MEGF10: variants seen among roughly 807,000 people sequenced by gnomAD.
The protein encoded by MEGF10 is multiple EGF like domains 10, also known as multiple epidermal growth factor-like domains protein 10.
MEGF10 carries 86 observed loss-of-function variants against 147.5 expected under a neutral mutation model. The ratio of observed to expected loss-of-function variants is 0.58; its 90% confidence interval spans 0.49 to 0.70. The LOEUF is 0.70. Ranked by LOEUF, MEGF10 falls within the 30% of genes least tolerant of loss-of-function variation. The pLI, the probability that MEGF10 is intolerant of heterozygous loss-of-function variation, is 0.00. For missense variants in MEGF10, 1,329 were observed against 1,487.3 expected (o/e 0.89, Z 1.75); for synonymous variants, 478 against 525.5 (o/e 0.91, Z 1.24).
At chr5:127,402,256 T>C (rs1764161145) in intron 7 of MEGF10, among the ~76,000 whole-genome samples, 1 of 152,256 alleles carries the variant, frequency 6.6e-6, no homozygotes, top group Admixed American at 6.5e-5. Context: ...TAATTTGATG[T>C]AACTTTGTTT....
intron 22 of MEGF10, among the ~76,000 whole-genome samples, chr5:127,451,053 T>C (rs934689871): frequency 3.9e-5 from 6 of 152,188 alleles, no homozygotes; most frequent in African/African-American, 7.2e-5. Flanking sequence ...GCCACCACAC[T>C]TGGCCCATTT....
intron 4 of MEGF10, among the ~76,000 whole-genome samples, chr5:127,357,451 C>T (rs1178725075): frequency 6.6e-6 from 1 of 151,664 alleles, no homozygotes; most frequent in African/African-American, 2.4e-5. Flanking sequence ...GCAGCTGATA[C>T]AGGGTCAAAA....
the MEGF10 span, among the ~76,000 whole-genome samples, chr5:127,275,680 G>A: frequency 6.6e-6 from 1 of 152,124 alleles, no homozygotes; most frequent in Non-Finnish European, 1.5e-5. Flanking sequence ...TCAGGCTTCT[G>A]GCCTCTGCAC....
intron 4 of MEGF10, among the ~76,000 whole-genome samples, chr5:127,350,118 G>A (rs1453896334): frequency 6.6e-6 from 1 of 152,028 alleles, no homozygotes; most frequent in East Asian, 1.9e-4. Context: ...AACCTCTAAG[G>A]TCATCTTGTT....
At chr5:127,244,367 G>GAAAAAAAAAA in the MEGF10 span, among the ~76,000 whole-genome samples, 1 of 105,628 alleles carries the variant, frequency 9.5e-6, no homozygotes, top group Non-Finnish European at 2.0e-5. Flanking sequence ...GCGAGACTCC[G>GAAAAAAAAAA]AAAAAAAAAA....
At chr5:127,264,348 C>A in the MEGF10 span, among the ~76,000 whole-genome samples, 5 of 152,130 alleles carry the variant, frequency 3.3e-5, no homozygotes, top group Admixed American at 1.3e-4. Flanking sequence ...ATATTAGAAT[C>A]TAGTTTGTCT....
At chr5:127,452,760 G>A (rs530714291) in intron 22 of MEGF10, among the ~76,000 whole-genome samples, 2 of 152,210 alleles carry the variant, frequency 1.3e-5, no homozygotes, top group Non-Finnish European at 2.9e-5. Context: ...GGGCAGGACA[G>A]TCCAAGGACT....
intron 24 of MEGF10, among the ~76,000 whole-genome samples, chr5:127,456,644 G>T (rs1766372235): frequency 6.6e-6 from 1 of 152,096 alleles, no homozygotes; most frequent in Non-Finnish European, 1.5e-5. Context: ...TTTATTTTTG[G>T]AAAGTCAGTA....
At chr5:127,448,983 G>A in intron 21 of MEGF10, 116 bp from the exon 22 acceptor site, 1 of 1,367,390 alleles carries the variant, frequency 7.3e-7, no homozygotes, top group Non-Finnish European at 9.9e-7. Context: ...CTGAGCTCAG[G>A]TCACTCTAAG....
intron 5 of MEGF10, among the ~76,000 whole-genome samples, chr5:127,373,147 G>T (rs1336944149): frequency 1.3e-5 from 2 of 152,012 alleles, no homozygotes; most frequent in Non-Finnish European, 2.9e-5. Context: ...TTTGGCCATT[G>T]TGTCTTTTTT....
chr5:127,362,368 AATT>A (rs1236931411), intron 4 of MEGF10, among the ~76,000 whole-genome samples: 10 of 150,446 alleles, frequency 6.6e-5, no homozygotes, highest in Non-Finnish European at 1.0e-4. Flanking sequence ...CTTAAAAAAA[AATT>A]ATTATTTTTT....
At position 127,388,510 on chromosome 5, in the gene MEGF10, TTTTTCTTTTTA is replaced by T. The variant is rs1321218710; in HGVS notation, c.413-8018_413-8008del. 5.5e-5 allele frequency among the ~76,000 whole-genome samples: 8 copies of T among 146,572 alleles called. No homozygotes were observed. The South Asian group carries it at 1.7e-3, about 32-fold the overall frequency. On this transcript the variant is annotated intron_variant, in intron 5 of 24. Coordinates refer to ENST00000503335, the MANE Select transcript of MEGF10 (RefSeq NM_001256545.2). ...AATCTGGCTAGCTCCTTAATTTTCT[TTTTTCTTTTTA>T]TTTATTTATTTATTTATTTATTTAT... is the stretch of plus-strand genomic sequence containing the variant.
chr5:127,410,296 G>A (rs927409611), intron 8 of MEGF10, 93 bp from the exon 9 acceptor site: 20 of 1,216,280 alleles, frequency 1.6e-5, no homozygotes, highest in East Asian at 7.5e-5. Context: ...AAGCAGCTTC[G>A]ATTTATGCAT....
chr5:127,368,565 G>A (rs1181023020), intron 4 of MEGF10, among the ~76,000 whole-genome samples: 1 of 152,122 alleles, frequency 6.6e-6, no homozygotes, highest in Non-Finnish European at 1.5e-5. Context: ...ACCTTGCAAA[G>A]CTATTGCCCC....
At chr5:127,360,811 G>T (rs1489473092) in intron 4 of MEGF10, among the ~76,000 whole-genome samples, 1 of 151,022 alleles carries the variant, frequency 6.6e-6, no homozygotes, top group Non-Finnish European at 1.5e-5. Context: ...ATATATATAG[G>T]TTATATATAT....
chr5:127,421,966 G>T (rs1201905999), intron 12 of MEGF10, among the ~76,000 whole-genome samples: 7 of 138,092 alleles, frequency 5.1e-5, no homozygotes, highest in Non-Finnish European at 1.1e-4. Context: ...TCCGGCCTGG[G>T]TGAAAGAGTG....
intron 1 of MEGF10, among the ~76,000 whole-genome samples, chr5:127,330,240 A>T (rs1761199700): frequency 6.6e-6 from 1 of 152,106 alleles, no homozygotes; most frequent in Non-Finnish European, 1.5e-5. Context: ...GTCATGTCTT[A>T]CCTGGCCTCC....
the MEGF10 span, among the ~76,000 whole-genome samples, chr5:127,264,882 T>C: frequency 3.3e-4 from 51 of 152,260 alleles, no homozygotes; most frequent in East Asian, 9.3e-3. Context: ...ACGTGTGCCA[T>C]GGTGGTTTGC....
chr5:127,321,751 G>A (rs1354070840), intron 1 of MEGF10, among the ~76,000 whole-genome samples: 1 of 152,056 alleles, frequency 6.6e-6, no homozygotes, highest in Non-Finnish European at 1.5e-5. Context: ...GCATCCTTCT[G>A]ACTGTTGCTG....
Sources: gnomAD v4.1 joint callset for allele counts (sites outside exome capture counted in the v4.1 genomes callset) on GRCh38, gnomAD v4.1.1 for gene constraint, MANE v1.5 for transcripts, NCBI Gene and HGNC (gene_info 2026-07-23, HGNC 2026-07-21) for gene names.